Variants in TG observed in about 807,000 individuals in gnomAD.
TG encodes thyroglobulin.
TG carries 270 observed loss-of-function variants against 324.7 expected under a neutral mutation model. The ratio of observed to expected loss-of-function variants is 0.83; its 90% confidence interval spans 0.75 to 0.92. TG has a LOEUF of 0.92. TG is among the 40% of genes least tolerant of loss of function. The probability of loss-of-function intolerance (pLI) is 0.00; values close to 1 mark genes in which losing one functional copy is unlikely to be tolerated. For synonymous variants in TG, 1,401 were observed against 1,327.0 expected, an observed-to-expected ratio of 1.06 and a Z score of -1.21; for missense variants, 3,591 against 3,456.4, an observed-to-expected ratio of 1.04 and a Z score of -0.98.
chr8:133,133,955 G>T (rs1852153026), intron 47 of TG, among the ~76,000 whole-genome samples: 1 of 152,218 alleles, frequency 6.6e-6, no homozygotes, highest in African/African-American at 2.4e-5. Flanking sequence ...AGGGCTTCCA[G>T]CCTAGAACGT....
intron 41 of TG, among the ~76,000 whole-genome samples, chr8:133,043,815 G>A (rs1452193924): frequency 6.6e-6 from 1 of 152,252 alleles, no homozygotes; most frequent in Non-Finnish European, 1.5e-5. Flanking sequence ...TGCCAACAAA[G>A]TTGCCCCAGT....
At chr8:133,039,949 G>T in intron 41 of TG, 5 of 1,472,466 alleles carry the variant, frequency 3.4e-6, no homozygotes, top group Non-Finnish European at 2.7e-6. Context: ...CAGAGCACTT[G>T]CATGCACACA....
At chr8:132,984,811 G>A (rs1028568923) in intron 35 of TG, among the ~76,000 whole-genome samples, 5 of 151,854 alleles carry the variant, frequency 3.3e-5, no homozygotes, top group South Asian at 4.1e-4. Context: ...GCATAGTAGC[G>A]TACACCTGTA....
chr8:132,951,321 G>T (rs1587542290), intron 27 of TG, among the ~76,000 whole-genome samples: 2 of 152,152 alleles, frequency 1.3e-5, no homozygotes, highest in African/African-American at 4.8e-5. Context: ...ACAGAATTTG[G>T]TGGAATTCCA....
chr8:133,091,224 G>A (rs1007758024), intron 41 of TG, among the ~76,000 whole-genome samples: 6 of 152,188 alleles, frequency 3.9e-5, no homozygotes, highest in African/African-American at 1.2e-4. Context: ...TTAACTCCTC[G>A]ATTCCACGAA....
chr8:132,885,268 A>C (rs1302196368), intron 8 of TG, among the ~76,000 whole-genome samples: 1 of 152,168 alleles, frequency 6.6e-6, no homozygotes, highest in African/African-American at 2.4e-5. Context: ...ATGTGGCTAC[A>C]GTCAGCCTAG....
At chr8:133,099,992 C>A (rs927674748) in intron 43 of TG, among the ~76,000 whole-genome samples, 5 of 152,308 alleles carry the variant, frequency 3.3e-5, no homozygotes, top group South Asian at 2.1e-4. Context: ...CTGCTCCAAG[C>A]CTTCTCTCCA....
intron 35 of TG, chr8:133,002,448 A>G (rs1030286946): frequency 1.0e-6 from 1 of 975,876 alleles, no homozygotes; most frequent in Non-Finnish European, 1.2e-6. Context: ...TCAGCAAGAA[A>G]TACATTAAAT....
chr8:133,129,025 C>T (rs565346778), intron 45 of TG, among the ~76,000 whole-genome samples: 18 of 152,248 alleles, frequency 1.2e-4, no homozygotes, highest in African/African-American at 4.3e-4. Context: ...AATCCAAATC[C>T]CCTTTTCTTC....
intron 35 of TG, among the ~76,000 whole-genome samples, chr8:133,004,352 A>C (rs1046096879): frequency 4.6e-5 from 7 of 152,206 alleles, no homozygotes; most frequent in Non-Finnish European, 1.0e-4. Context: ...ATCCAAGACT[A>C]TATAGCACAG....
intron 26 of TG, 130 bp downstream of exon 26, chr8:132,941,672 C>A: frequency 1.0e-6 from 1 of 959,782 alleles, no homozygotes; most frequent in Non-Finnish European, 1.6e-6. Flanking sequence ...GAGAAGGTGA[C>A]AGTCAAGTAC....
chr8:133,045,889 A>T (rs995465063), intron 41 of TG, among the ~76,000 whole-genome samples: 37 of 152,186 alleles, frequency 2.4e-4, no homozygotes, highest in Admixed American at 2.0e-4. Context: ...ATGCTGCCAC[A>T]GCACACATTT....
At chr8:133,001,718 T>C in intron 35 of TG, 1 of 984,856 alleles carries the variant, frequency 1.0e-6, no homozygotes, top group Non-Finnish European at 1.2e-6. Flanking sequence ...AAGTGCCCTG[T>C]GGCCGTACAG....
At chr8:132,950,184 A>G (rs1007383864) in intron 27 of TG, among the ~76,000 whole-genome samples, 1 of 152,248 alleles carries the variant, frequency 6.6e-6, no homozygotes, top group Non-Finnish European at 1.5e-5. Context: ...TTCCAGCTCC[A>G]GAGTGAGGTT....
rs2979041 is a variant in TG at position 133,113,274 on chromosome 8, C to T, written c.7573-148C>T. 0.25 allele frequency: 214,097 copies of T among 851,296 alleles called. 27,913 individuals are homozygous for T. Among genetic ancestry groups the T allele is most frequent in the South Asian group, 0.31 (20,417 of 65,124 alleles). The allele number at this position is 851,296 out of a possible 1,614,324, so 52.7% of individuals were successfully genotyped here. ...GCTAGAAGGAGGCAGAGCTGGGATT[C>T]GAACTCAGACAGTCTGGCTTCCACT... On this transcript the variant is annotated intron_variant, in intron 43 of 47. Coordinates refer to ENST00000220616, the MANE Select transcript of TG (RefSeq NM_003235.5).
intron 45 of TG, among the ~76,000 whole-genome samples, chr8:133,130,790 A>G (rs1564221826): frequency 6.6e-6 from 1 of 152,210 alleles, no homozygotes; most frequent in African/African-American, 2.4e-5. Flanking sequence ...TTCTTAGGGC[A>G]GCAATAGAGA....
intron 43 of TG, among the ~76,000 whole-genome samples, chr8:133,098,494 T>C (rs1232767772): frequency 6.6e-6 from 1 of 152,170 alleles, no homozygotes; most frequent in Non-Finnish European, 1.5e-5. Context: ...CCCACTCACC[T>C]CCTTATTTGA....
chr8:132,919,293 T>C lies in TG; in HGVS notation c.4379-83T>C, dbSNP rs1820801288. The C allele has an allele frequency of 8.2e-6, 12 of 1,459,580 alleles. No individual in the cohort carries two copies. In the South Asian group the frequency reaches 1.4e-4, roughly 18 times the overall value. The allele number at this position is 1,459,580 out of a possible 1,614,324, so 90.4% of individuals were successfully genotyped here. A position where few individuals can be genotyped will look rare whatever the true frequency, so the allele number is the denominator to read the frequency against. ...ATGAGCTCTTGAACTGGTTTGAGGA[T>C]TTTCTTTACCCTGTGTGTTCTGGGA... On this transcript the variant is annotated intron_variant, in intron 20 of 47. Coordinates refer to ENST00000220616, the MANE Select transcript of TG (RefSeq NM_003235.5).
At chr8:133,040,075 C>A in intron 41 of TG, 2 of 1,559,036 alleles carry the variant, frequency 1.3e-6, no homozygotes, top group Non-Finnish European at 1.7e-6. Flanking sequence ...CTGGGGCAGC[C>A]GTGCTTTGTG....
Sources: allele counts gnomAD v4.1 joint callset (sites outside exome capture counted in the v4.1 genomes callset), GRCh38; gene constraint gnomAD v4.1.1; transcripts MANE v1.5; gene names NCBI Gene and HGNC (gene_info 2026-07-23, HGNC 2026-07-21).